ABCD4: variants seen among roughly 807,000 people sequenced by gnomAD.
The protein encoded by ABCD4 is lysosomal cobalamin transporter ABCD4.
ABCD4 carries 53 observed loss-of-function variants against 86.3 expected under a neutral mutation model. The ratio of observed to expected loss-of-function variants is 0.61; its 90% CI spans 0.49 to 0.77. The LOEUF is 0.77. Ranked by LOEUF, ABCD4 falls within the 30% of genes least tolerant of loss-of-function variation. ABCD4 has a pLI of 0.00. For missense variants in ABCD4, 757 were observed against 764.5 expected, an observed-to-expected ratio of 0.99 and a Z score of 0.12; for synonymous variants, 328 against 313.6, an observed-to-expected ratio of 1.05 and a Z score of -0.49.
In ABCD4 at chr14:74,286,310, C is replaced by A; in HGVS notation, c.*151G>T. ...GAAACCTAGACCTGGGCTCAGCCCA[C>A]CACTGCTAGGGGTCCTGCACAGGAC... On this transcript the variant is annotated 3_prime_UTR_variant, in exon 19 of 19. Transcript: ENST00000356924. 1 of 751,932 alleles carries A rather than the reference C, an allele frequency of 1.3e-6. No individual in the cohort carries two copies. The highest frequency in any genetic ancestry group is 1.7e-5 in the South Asian group (1 of 59,254). 46.6% of individuals were successfully genotyped at this position (751,932 alleles called of 1,614,324 possible). A position where few individuals can be genotyped will look rare whatever the true frequency, so the allele number is the denominator to read the frequency against.
At chr14:74,298,611 C>T (rs1010931800) in intron 3 of ABCD4, among the ~76,000 whole-genome samples, 2 of 152,222 alleles carry the variant, frequency 1.3e-5, no homozygotes, top group Non-Finnish European at 2.9e-5. Flanking sequence ...AGGCAAGACC[C>T]TCTTTCTACA....
chr14:74,300,605 A>C (rs975719620), intron 1 of ABCD4, among the ~76,000 whole-genome samples: 53 of 152,024 alleles, frequency 3.5e-4, no homozygotes, highest in African/African-American at 6.3e-4. Context: ...AAAAAAAAAA[A>C]AAAACCAAAA....
rs3742803 is a variant in ABCD4 at position 74,286,660 on chromosome 14, G to A, written c.1752+41C>T. On this transcript the variant is annotated intron_variant, in intron 18 of 18. Transcript: ENST00000356924. ...GGCCCTGGCCAGGCTGAGCCTTTGG[G>A]TTCTTTCTCCTCCTCAGGCCATCCT... 0.015 allele frequency: 23,669 copies of A among 1,613,404 alleles called. 613 individuals carry two copies. The highest frequency in any genetic ancestry group is 0.12 in the Admixed American group (6,905 of 59,946).
intron 11 of ABCD4, among the ~76,000 whole-genome samples, chr14:74,291,058 T>A (rs2081364396): frequency 6.6e-6 from 1 of 152,132 alleles, no homozygotes; most frequent in South Asian, 2.1e-4. Context: ...CCTCTTAAGA[T>A]AGAGGTGGCA....
chr14:74,291,943 G>C lies in ABCD4; in HGVS notation c.1118+344C>G, dbSNP rs368913151. On this transcript the variant is annotated intron_variant, in intron 11 of 18. Coordinates refer to ENST00000356924, the MANE Select transcript of ABCD4 (RefSeq NM_005050.4). The stretch of plus-strand genomic sequence containing the variant: ...CGGATACAGACATCTCTGGGGCTGA[G>C]TGAGGTGGGGGAACAAAGACAGACA... 2.4e-4 allele frequency among the ~76,000 whole-genome samples: 36 copies of C among 152,300 alleles called. No individual in the cohort carries two copies. In the South Asian group the frequency reaches 7.5e-3, roughly 32 times the overall value.
Position 74,295,179 on chromosome 14 carries a change from G to C in ABCD4, c.688C>G (p.Arg230Gly). The C allele has an allele frequency of 1.9e-6, 3 of 1,614,210 alleles. No individual in the cohort carries two copies. Among genetic ancestry groups the C allele is most frequent in the African/African-American group, 1.3e-5 (1 of 75,058 alleles). ...GDFRFKHMQI[R>G]VNAEPAAFYR... is the part of the protein sequence containing the mutation. Reference sequence around the variant, plus strand: ...AAAGCAGCAGGCTCCGCATTCACCCGAATCTGCATGTGCTTGAACCTGGGC... The same window carrying C: ...AAAGCAGCAGGCTCCGCATTCACCCCAATCTGCATGTGCTTGAACCTGGGC... Residue 230 changes from arginine (R) to glycine (G), a missense_variant, in exon 7 of 19, where the codon CGG (arginine) becomes GGG (glycine). Coordinates refer to ENST00000356924, the MANE Select transcript of ABCD4 (RefSeq NM_005050.4).
chr14:74,301,317 G>C (rs1011137999), intron 1 of ABCD4, among the ~76,000 whole-genome samples: 4 of 151,802 alleles, frequency 2.6e-5, no homozygotes, highest in African/African-American at 4.8e-5. Context: ...GCGTCAACAC[G>C]CTCAGCTAAT....
At chr14:74,295,296 G>C (rs2082572145) in intron 6 of ABCD4, 98 bp from the exon 7 acceptor site, 1 of 1,437,364 alleles carries the variant, frequency 7.0e-7, no homozygotes, top group Non-Finnish European at 9.7e-7. Context: ...GCGGAGCCCG[G>C]CTCTGCCTCA....
intron 4 of ABCD4, chr14:74,297,534 G>C (rs1281136790): frequency 5.9e-6 from 1 of 169,078 alleles, no homozygotes; most frequent in Non-Finnish European, 1.2e-5. Flanking sequence ...AGTATGAAAA[G>C]GACAAAAGAA....
chr14:74,289,403 C>T, intron 14 of ABCD4, 80 bp downstream of exon 14: 1 of 1,586,310 alleles, frequency 6.3e-7, no homozygotes. Context: ...TCCCCAAGGG[C>T]ACAGATGAGG....
intron 16 of ABCD4, 85 bp downstream of exon 16, chr14:74,288,122 A>G (rs978350900): frequency 5.5e-6 from 8 of 1,451,794 alleles, no homozygotes; most frequent in African/African-American, 4.2e-5. Context: ...TGGGGTCAGG[A>G]GCCGTTCCAT....
chr14:74,296,468 A>G lies in ABCD4; in HGVS notation c.426-19T>C. ...CTGGTCCCTGGAGCCAATGACACAGAGTAGCTGGACCCAGGGAGATGGGCC... is the reference window on the plus strand; with the variant it reads ...CTGGTCCCTGGAGCCAATGACACAGGGTAGCTGGACCCAGGGAGATGGGCC... On this transcript the variant is annotated intron_variant, in intron 4 of 18. Coordinates refer to ENST00000356924, the MANE Select transcript of ABCD4 (RefSeq NM_005050.4). 4 of 1,612,428 alleles carry G rather than the reference A, an allele frequency of 2.5e-6. No individual in the cohort carries two copies. Among genetic ancestry groups the G allele is most frequent in the Non-Finnish European group, 3.4e-6 (4 of 1,178,866 alleles).
chr14:74,296,015 G>A (rs1321858062), intron 5 of ABCD4, 36 bp from the exon 6 acceptor site: 2 of 1,571,542 alleles, frequency 1.3e-6, no homozygotes, highest in African/African-American at 1.4e-5. Flanking sequence ...GGGAGAGGGT[G>A]TGGGGTGCCA....
intron 5 of ABCD4, 98 bp downstream of exon 5, chr14:74,296,235 G>A: frequency 7.7e-7 from 1 of 1,292,292 alleles, no homozygotes; most frequent in East Asian, 2.3e-5. Flanking sequence ...AGGTACGGTG[G>A]GAGAGAGGGG....
chr14:74,300,921 C>T (rs1453540549), intron 1 of ABCD4, among the ~76,000 whole-genome samples: 5 of 152,008 alleles, frequency 3.3e-5, no homozygotes, highest in Admixed American at 2.0e-4. Context: ...GGCGCAATCT[C>T]GGATCACTGC....
At chr14:74,291,912 G>C (rs1011227353) in intron 11 of ABCD4, among the ~76,000 whole-genome samples, 1 of 152,138 alleles carries the variant, frequency 6.6e-6, no homozygotes, top group Non-Finnish European at 1.5e-5. Flanking sequence ...GATCCACGCA[G>C]ACACACGGAT....
rs1457470591 is a variant in ABCD4 at position 74,289,502 on chromosome 14, C to T, written c.1437G>A (p.Lys479=). 6.2e-7 allele frequency: 1 copy of T among 1,613,706 alleles called. No individual in the cohort carries two copies. Among genetic ancestry groups the T allele is most frequent in the South Asian group, 1.1e-5 (1 of 91,026 alleles). The change falls in exon 14 of 19, where the codon AAG becomes AAA. Residue 479 remains lysine (K), a synonymous_variant. Coordinates refer to ENST00000356924, the MANE Select transcript of ABCD4 (RefSeq NM_005050.4). ...GCTCACCTGAGTCGGGGTAGACCTC[C>T]TTCAGGGGATATATCACCTGAGAAA... The part of the protein sequence containing the change: ...TLREQVIYPL[K]EVYPDSGSAD...
chr14:74,292,711 A>G (rs1374644328), intron 9 of ABCD4, 37 bp downstream of exon 9: 1 of 1,613,912 alleles, frequency 6.2e-7, no homozygotes, highest in Non-Finnish European at 8.5e-7. Context: ...AAGGACAGAG[A>G]GGGACAGCAT....
intron 13 of ABCD4, chr14:74,289,800 G>A: frequency 7.0e-7 from 1 of 1,436,934 alleles, no homozygotes; most frequent in African/African-American, 1.4e-5. Context: ...TATTTGGCGT[G>A]AGTCCTTGCC....
Sources: allele counts gnomAD v4.1 joint callset (sites outside exome capture counted in the v4.1 genomes callset), GRCh38; gene constraint gnomAD v4.1.1; transcripts MANE v1.5; gene names NCBI Gene and HGNC (gene_info 2026-07-23, HGNC 2026-07-21).